The following BAALC variants were observed in gnomAD, a reference collection of about 807,000 sequenced individuals.
BAALC encodes the protein BAALC binder of MAP3K1 and KLF4.
Under a neutral mutation model 15.5 loss-of-function variants are expected in BAALC, and 9 were observed. That is an observed-to-expected ratio of 0.58 (90% CI 0.35 to 1.02). The LOEUF (loss-of-function observed/expected upper bound fraction) is 1.02, where lower values mean the gene tolerates loss of function less well. BAALC is among the 50% of genes least tolerant of loss of function. BAALC has a pLI of 0.02. For missense variants in BAALC, 201 were observed against 192.4 expected, an observed-to-expected ratio of 1.04 and a Z score of -0.27; for synonymous variants, 80 against 74.6, an observed-to-expected ratio of 1.07 and a Z score of -0.37.
chr8:103,199,146 G>A (rs1419932066), intron 1 of BAALC, among the ~76,000 whole-genome samples: 3 of 152,150 alleles, frequency 2.0e-5, no homozygotes, highest in Non-Finnish European at 4.4e-5. Context: ...TGGTTAAGAG[G>A]TTTTCTAAAG....
At chr8:103,153,541 A>G (rs898704131) in intron 1 of BAALC, among the ~76,000 whole-genome samples, 1 of 152,242 alleles carries the variant, frequency 6.6e-6, no homozygotes, top group African/African-American at 2.4e-5. Context: ...TTAACTTCAG[A>G]CTGTGCTGTG....
chr8:103,187,308 T>A (rs1811862135), intron 1 of BAALC, among the ~76,000 whole-genome samples: 1 of 152,156 alleles, frequency 6.6e-6, no homozygotes, highest in Non-Finnish European at 1.5e-5. Flanking sequence ...TCTAGAGACA[T>A]TTTGGGTTGT....
intron 1 of BAALC, among the ~76,000 whole-genome samples, chr8:103,144,793 CTAAA>C (rs1317280094): frequency 3.3e-5 from 5 of 152,080 alleles, no homozygotes; most frequent in Non-Finnish European, 7.4e-5. Context: ...AATGATTTAC[CTAAA>C]TAAACTGAAA....
intron 2 of BAALC, among the ~76,000 whole-genome samples, chr8:103,224,854 A>C (rs1812768919): frequency 6.6e-6 from 1 of 152,186 alleles, no homozygotes; most frequent in African/African-American, 2.4e-5. Flanking sequence ...AAGTCACGAT[A>C]TACAGGGTTA....
At chr8:103,203,085 T>C (rs1812254769) in intron 1 of BAALC, among the ~76,000 whole-genome samples, 1 of 152,220 alleles carries the variant, frequency 6.6e-6, no homozygotes, top group South Asian at 2.1e-4. Context: ...TCCTTGCTTC[T>C]GCCTCCTGTC....
intron 1 of BAALC, among the ~76,000 whole-genome samples, chr8:103,201,049 A>G (rs1812203816): frequency 6.6e-6 from 1 of 152,108 alleles, no homozygotes; most frequent in Non-Finnish European, 1.5e-5. Context: ...CCTTTGGAGC[A>G]GTTTAAGGGA....
intron 1 of BAALC, among the ~76,000 whole-genome samples, chr8:103,148,979 C>A (rs1810927784): frequency 6.6e-6 from 1 of 152,160 alleles, no homozygotes; most frequent in Non-Finnish European, 1.5e-5. Context: ...TTATATCACC[C>A]TCCGAAATAA....
At chr8:103,182,188 G>A (rs1811744226) in intron 1 of BAALC, among the ~76,000 whole-genome samples, 1 of 152,210 alleles carries the variant, frequency 6.6e-6, no homozygotes, top group African/African-American at 2.4e-5. Context: ...ATCTGCAGGT[G>A]TGCAACATCT....
intron 1 of BAALC, among the ~76,000 whole-genome samples, chr8:103,143,961 G>A (rs1485742817): frequency 6.6e-6 from 1 of 152,006 alleles, no homozygotes; most frequent in African/African-American, 2.4e-5. Flanking sequence ...TCTTTAAAAA[G>A]TTCTCCCCAA....
At chr8:103,185,091 G>C (rs1477599992) in intron 1 of BAALC, among the ~76,000 whole-genome samples, 1 of 152,024 alleles carries the variant, frequency 6.6e-6, no homozygotes, top group Non-Finnish European at 1.5e-5. Flanking sequence ...CACTGATTCT[G>C]TACGTACCAG....
intron 1 of BAALC, among the ~76,000 whole-genome samples, chr8:103,199,628 A>C (rs901173761): frequency 1.3e-5 from 2 of 152,092 alleles, no homozygotes; most frequent in East Asian, 3.8e-4. Flanking sequence ...TCTTACATCT[A>C]ATAAAGATGT....
chr8:103,181,811 C>T (rs1009604547), intron 1 of BAALC, among the ~76,000 whole-genome samples: 1 of 152,170 alleles, frequency 6.6e-6, no homozygotes, highest in Non-Finnish European at 1.5e-5. Context: ...GTGGCACCCA[C>T]TTAGGTAGCA....
At chr8:103,219,135 G>C (rs1812624179) in intron 2 of BAALC, among the ~76,000 whole-genome samples, 1 of 152,216 alleles carries the variant, frequency 6.6e-6, no homozygotes, top group Non-Finnish European at 1.5e-5. Flanking sequence ...GCAATACAGA[G>C]ATGTGCACCT....
At chr8:103,227,557 C>G (rs1286068783) in intron 2 of BAALC, among the ~76,000 whole-genome samples, 1 of 152,208 alleles carries the variant, frequency 6.6e-6, no homozygotes, top group Non-Finnish European at 1.5e-5. Flanking sequence ...TCACTTGAGA[C>G]AAATGCATAT....
At chr8:103,181,445 GT>G (rs1286493810) in intron 1 of BAALC, among the ~76,000 whole-genome samples, 2 of 151,158 alleles carry the variant, frequency 1.3e-5, no homozygotes, top group Non-Finnish European at 3.0e-5. Context: ...CTAATTTTTT[GT>G]ATTTTTAGTA....
intron 1 of BAALC, among the ~76,000 whole-genome samples, chr8:103,192,087 T>C (rs1299391505): frequency 6.6e-6 from 1 of 152,198 alleles, no homozygotes; most frequent in African/African-American, 2.4e-5. Flanking sequence ...GTTTCACTCT[T>C]GTTGCCCAGG....
At chr8:103,149,422 TA>T (rs2058330899) in intron 1 of BAALC, among the ~76,000 whole-genome samples, 1 of 152,222 alleles carries the variant, frequency 6.6e-6, no homozygotes, top group South Asian at 2.1e-4. Flanking sequence ...CAGAATCATA[TA>T]TTTTTTTCTG....
intron 1 of BAALC, chr8:103,183,274 T>A: frequency 1.4e-6 from 1 of 691,378 alleles, no homozygotes; most frequent in Non-Finnish European, 2.6e-6. Flanking sequence ...ATCCCAAAGA[T>A]GATGGGAAGT....
intron 1 of BAALC, among the ~76,000 whole-genome samples, chr8:103,172,696 C>G (rs1811523859): frequency 6.6e-6 from 1 of 152,138 alleles, no homozygotes; most frequent in African/African-American, 2.4e-5. Flanking sequence ...TGCCCAGCCT[C>G]TGGCTTGTTT....
Sources: allele counts gnomAD v4.1 joint callset (sites outside exome capture counted in the v4.1 genomes callset), GRCh38; gene constraint gnomAD v4.1.1; transcripts MANE v1.5; gene names NCBI Gene and HGNC (gene_info 2026-07-23, HGNC 2026-07-21).